Variants in FGF13 observed in about 807,000 individuals in gnomAD.
FGF13 encodes fibroblast growth factor 13.
FGF13 carries 2 observed loss-of-function variants against 19.5 expected under a neutral mutation model. The observed-to-expected ratio is 0.10, with a 90% CI of 0.04 to 0.32. The LOEUF (loss-of-function observed/expected upper bound fraction) is 0.32. Among genes scored for constraint, FGF13 ranks in the 10% least tolerant of loss-of-function variants. The pLI, the probability that FGF13 is intolerant of heterozygous loss-of-function variation, is 1.00. For missense variants in FGF13, 113 were observed against 192.7 expected (o/e 0.59, Z 2.45); for synonymous variants, 72 against 76.9 (o/e 0.94, Z 0.33).
intron 3 of FGF13, among the ~76,000 whole-genome samples, chrX:138,637,757 G>C (rs1378817560): frequency 8.9e-6 from 1 of 112,150 alleles, no homozygotes; most frequent in East Asian, 2.8e-4. Flanking sequence ...CATAAGGAAA[G>C]AAAGGGAGGC....
At chrX:139,058,256 T>C (rs2092325770) in intron 1 of FGF13, among the ~76,000 whole-genome samples, 1 of 111,944 alleles carries the variant, frequency 8.9e-6, no homozygotes, top group South Asian at 3.7e-4. Context: ...AGATCATAAA[T>C]AGCAAGCATC....
intron 1 of FGF13, among the ~76,000 whole-genome samples, chrX:138,999,085 A>C (rs778740748): frequency 8.9e-6 from 1 of 112,257 alleles, no homozygotes; most frequent in Non-Finnish European, 1.9e-5. Flanking sequence ...CTGAATGACT[A>C]CTGGGTAAAT....
At chrX:139,124,462 C>G (rs1362496479) in intron 1 of FGF13, among the ~76,000 whole-genome samples, 2 of 111,859 alleles carry the variant, frequency 1.8e-5, no homozygotes, top group African/African-American at 6.5e-5. Context: ...GACTCCCAGA[C>G]CCTCTCCATC....
intron 1 of FGF13, among the ~76,000 whole-genome samples, chrX:138,954,851 G>A (rs1367400922): frequency 8.9e-6 from 1 of 111,903 alleles, no homozygotes; most frequent in African/African-American, 3.2e-5. Flanking sequence ...CACTAGCAAC[G>A]TTTTCTTATT....
Position 138,896,003 on chromosome X carries a change from G to A in FGF13, c.-112-31353C>T, listed in dbSNP as rs932758187. Among the ~76,000 whole-genome samples the A allele has an allele frequency of 2.7e-5, 3 of 111,904 alleles. No homozygotes were observed. The Admixed American group carries it at 2.9e-4, about 11-fold the overall frequency. ...TTATCAGAGGTTGGGGATGGAAGAAGGTCTTGAACTCCTGGGCTCAAAGGG... is the reference window on the plus strand; with the variant it reads ...TTATCAGAGGTTGGGGATGGAAGAAAGTCTTGAACTCCTGGGCTCAAAGGG... On this transcript the variant is annotated intron_variant, in intron 1 of 2. Coordinates refer to the FGF13 transcript ENST00000421460.
At chrX:139,126,147 C>T (rs1410146112) in intron 1 of FGF13, among the ~76,000 whole-genome samples, 1 of 111,887 alleles carries the variant, frequency 8.9e-6, no homozygotes, top group East Asian at 2.8e-4. Flanking sequence ...ACTACAAGGC[C>T]GAGTTGAGTC....
intron 1 of FGF13, among the ~76,000 whole-genome samples, chrX:139,105,408 C>T (rs1437277134): frequency 9.0e-6 from 1 of 111,206 alleles, no homozygotes; most frequent in Non-Finnish European, 1.9e-5. Context: ...TTTATGTTCT[C>T]GTCTGACCTC....
intron 3 of FGF13, among the ~76,000 whole-genome samples, chrX:138,655,266 C>G (rs1007865588): frequency 1.8e-5 from 2 of 111,698 alleles, no homozygotes; most frequent in African/African-American, 6.5e-5. Flanking sequence ...GCTTTTAATT[C>G]AATGTCTGTT....
At position 138,632,591 on chromosome X, in the gene FGF13, A is replaced by T; in HGVS notation, c.*259T>A. 3.9e-6 allele frequency: 1 copy of T among 255,742 alleles called. No individual in the cohort carries two copies. Among genetic ancestry groups the T allele is most frequent in the Non-Finnish European group, 7.2e-6 (1 of 139,627 alleles). 21.1% of individuals were successfully genotyped at this position (255,742 alleles called of 1,213,427 possible). A position where few individuals can be genotyped will look rare whatever the true frequency, so the allele number is the denominator to read the frequency against. Reference sequence around the variant, plus strand: ...TCATCCCCAAAGTATAGGTGAGATCATGAGAAAATTTGGCAGTCCTTCTCT... The same window carrying T: ...TCATCCCCAAAGTATAGGTGAGATCTTGAGAAAATTTGGCAGTCCTTCTCT... On this transcript the variant is annotated 3_prime_UTR_variant, in exon 5 of 5. Transcript: ENST00000315930.
At chrX:138,836,836 A>G (rs1230054274) in intron 3 of FGF13, among the ~76,000 whole-genome samples, 1 of 109,913 alleles carries the variant, frequency 9.1e-6, no homozygotes, top group African/African-American at 3.3e-5. Flanking sequence ...TCTTTGTGAA[A>G]TTATCTACTT....
chrX:138,632,900 A>G lies in FGF13; in HGVS notation c.688T>C (p.Ser230Pro), dbSNP rs781765727. 1.0e-4 allele frequency: 122 copies of G among 1,208,553 alleles called. No individual in the cohort carries two copies. Among genetic ancestry groups the G allele is most frequent in the Admixed American group, 1.1e-4 (5 of 45,599 alleles). ...SGTPTKSRSVSGVLNGGKSMS... is the reference protein window; with the variant it reads ...SGTPTKSRSVPGVLNGGKSMS... The stretch of plus-strand genomic sequence containing the variant: ...GATTTGCCTCCGTTCAGCACGCCAG[A>G]GACACTTCTGCTCTTGGTTGGGGTC... The change falls in exon 5 of 5, where the codon TCT (serine) becomes CCT (proline). Residue 230 changes from serine to proline, a missense_variant. Ser to Pro is a moderately conservative substitution (Grantham distance 74, BLOSUM62 -1). Coordinates refer to ENST00000315930, the MANE Select transcript of FGF13 (RefSeq NM_004114.5).
At chrX:138,930,585 T>A (rs1283756519) in intron 1 of FGF13, among the ~76,000 whole-genome samples, 1 of 112,003 alleles carries the variant, frequency 8.9e-6, no homozygotes, top group East Asian at 2.8e-4. Context: ...TCAAAAATAG[T>A]CATTTGTTCA....
At chrX:138,634,936 T>G (rs1238729586) in intron 4 of FGF13, among the ~76,000 whole-genome samples, 4 of 112,096 alleles carry the variant, frequency 3.6e-5, no homozygotes, top group African/African-American at 1.3e-4. Flanking sequence ...AAAACACAAC[T>G]GCACAGGTAT....
intron 3 of FGF13, among the ~76,000 whole-genome samples, chrX:138,672,916 G>T (rs2089628924): frequency 9.0e-6 from 1 of 111,641 alleles, no homozygotes; most frequent in African/African-American, 3.3e-5. Context: ...GCCAAGTGAA[G>T]AAAATGTTTT....
At chrX:139,115,203 C>A (rs762312750) in intron 1 of FGF13, among the ~76,000 whole-genome samples, 7 of 111,817 alleles carry the variant, frequency 6.3e-5, no homozygotes, top group African/African-American at 2.3e-4. Context: ...TGTTACCATG[C>A]AGTCCTACTC....
intron 1 of FGF13, among the ~76,000 whole-genome samples, chrX:138,872,173 G>A (rs1011228310): frequency 1.8e-5 from 2 of 112,060 alleles, no homozygotes; most frequent in East Asian, 5.6e-4. Flanking sequence ...ATGGCTGATG[G>A]CAGGCAGCAT....
At chrX:139,163,612 G>T (rs137911980) in intron 1 of FGF13, among the ~76,000 whole-genome samples, 1,594 of 111,060 alleles carry the variant, frequency 0.014, 33 homozygotes, top group African/African-American at 0.049. Flanking sequence ...GGGAGTCCTG[G>T]TCACATTGTT....
intron 1 of FGF13, among the ~76,000 whole-genome samples, chrX:138,900,602 T>C (rs2091527343): frequency 9.0e-6 from 1 of 111,537 alleles, no homozygotes; most frequent in Admixed American, 9.6e-5. Context: ...TATCTCCCCT[T>C]CTGCATTTTC....
chrX:138,837,099 G>A (rs1389976097), intron 3 of FGF13, among the ~76,000 whole-genome samples: 13 of 112,265 alleles, frequency 1.2e-4, no homozygotes, highest in Admixed American at 8.4e-4. Flanking sequence ...CACATGTATA[G>A]GAGGTGGCGG....
Sources: allele counts gnomAD v4.1 joint callset (sites outside exome capture counted in the v4.1 genomes callset), GRCh38; gene constraint gnomAD v4.1.1; transcripts MANE v1.5; gene names NCBI Gene and HGNC (gene_info 2026-07-23, HGNC 2026-07-21).